The following IMMP2L variants were observed in gnomAD, a reference collection of about 807,000 sequenced individuals.
The protein encoded by IMMP2L is inner mitochondrial membrane peptidase subunit 2.
Under a neutral mutation model 19.3 loss-of-function variants are expected in IMMP2L, and 18 were observed. That is an observed-to-expected ratio of 0.93 (90% CI 0.64 to 1.38). The LOEUF (loss-of-function observed/expected upper bound fraction) is 1.38. Ranked by LOEUF, IMMP2L falls within the 40% of genes most tolerant of loss-of-function variation. The probability of loss-of-function intolerance (pLI) is 0.00; values close to 1 mark genes in which losing one functional copy is unlikely to be tolerated. For missense variants in IMMP2L, 233 were observed against 218.2 expected (o/e 1.07, Z -0.43); for synonymous variants, 76 against 73.0 (o/e 1.04, Z -0.21).
chr7:110,960,091 A>G (rs567980275), intron 4 of IMMP2L, among the ~76,000 whole-genome samples: 2 of 152,086 alleles, frequency 1.3e-5, no homozygotes, highest in South Asian at 4.1e-4. Context: ...ATAATATAAA[A>G]TGGATCCCTT....
intron 3 of IMMP2L, among the ~76,000 whole-genome samples, chr7:111,154,143 AAAG>A (rs1804380456): frequency 2.6e-5 from 4 of 152,250 alleles, no homozygotes; most frequent in African/African-American, 9.6e-5. Flanking sequence ...TATTAAAATT[AAAG>A]AAGTATATGC....
chr7:111,342,039 T>C lies in IMMP2L; in HGVS notation c.239+145199A>G, dbSNP rs6956410. ...TCATTATAAATTACCCAGTCTCAGGTAGGCTGTTATAGCGGCACAAAACAG... is the reference window on the plus strand; with the variant it reads ...TCATTATAAATTACCCAGTCTCAGGCAGGCTGTTATAGCGGCACAAAACAG... On this transcript the variant is annotated intron_variant, in intron 3 of 5. Coordinates refer to ENST00000405709, the MANE Select transcript of IMMP2L (RefSeq NM_032549.4). 5.5e-3 allele frequency among the ~76,000 whole-genome samples: 840 copies of C among 152,232 alleles called. 16 individuals carry two copies. Among genetic ancestry groups the C allele is most frequent in the African/African-American group, 0.019 (771 of 41,554 alleles).
chr7:111,176,987 T>C (rs1005203504), intron 3 of IMMP2L, among the ~76,000 whole-genome samples: 4 of 152,046 alleles, frequency 2.6e-5, no homozygotes, highest in Non-Finnish European at 5.9e-5. Context: ...GAATATACAC[T>C]TCATTGGATG....
chr7:111,282,431 T>C (rs1819996102), intron 3 of IMMP2L, among the ~76,000 whole-genome samples: 1 of 152,096 alleles, frequency 6.6e-6, no homozygotes. Context: ...TTTGTAATGA[T>C]AAAAGAGCCA....
chr7:111,054,948 G>C (rs935014237), intron 3 of IMMP2L, among the ~76,000 whole-genome samples: 15 of 151,980 alleles, frequency 9.9e-5, no homozygotes, highest in African/African-American at 3.6e-4. Context: ...CAATAAATTA[G>C]GAAACAAAAT....
chr7:111,463,640 T>A (rs776909733), intron 3 of IMMP2L, among the ~76,000 whole-genome samples: 1 of 152,154 alleles, frequency 6.6e-6, no homozygotes, highest in African/African-American at 2.4e-5. Context: ...CTCACCAGAA[T>A]GGGTAATTCC....
At chr7:111,373,439 C>T (rs1177178508) in intron 3 of IMMP2L, among the ~76,000 whole-genome samples, 1 of 151,912 alleles carries the variant, frequency 6.6e-6, no homozygotes, top group African/African-American at 2.4e-5. Flanking sequence ...AAGAGAGAAA[C>T]CTGCTTTTCA....
At chr7:111,554,244 A>G (rs1185097579) in intron 1 of IMMP2L, among the ~76,000 whole-genome samples, 1 of 152,178 alleles carries the variant, frequency 6.6e-6, no homozygotes, top group African/African-American at 2.4e-5. Context: ...CAGTGTTGGT[A>G]AATTCACAGA....
At chr7:111,178,576 C>CAAT (rs1807341577) in intron 3 of IMMP2L, among the ~76,000 whole-genome samples, 1 of 152,220 alleles carries the variant, frequency 6.6e-6, no homozygotes, top group South Asian at 2.1e-4. Flanking sequence ...TCCTCTCAAA[C>CAAT]CCTGTCACTG....
At chr7:111,025,752 T>C (rs1426136593) in intron 3 of IMMP2L, among the ~76,000 whole-genome samples, 1 of 152,130 alleles carries the variant, frequency 6.6e-6, no homozygotes, top group Non-Finnish European at 1.5e-5. Context: ...TGAAGAAATA[T>C]ATGAATGGAT....
intron 3 of IMMP2L, among the ~76,000 whole-genome samples, chr7:110,969,380 T>C (rs912299881): frequency 5.9e-5 from 9 of 152,080 alleles, no homozygotes; most frequent in African/African-American, 1.9e-4. Flanking sequence ...AAATAAACTA[T>C]AGACTTTAGT....
chr7:111,208,053 C>T (rs955478162), intron 3 of IMMP2L, among the ~76,000 whole-genome samples: 11 of 152,108 alleles, frequency 7.2e-5, no homozygotes, highest in African/African-American at 2.4e-4. Context: ...TTATTAGCTT[C>T]CAGGATTCCA....
chr7:110,673,101 T>A (rs893898235), intron 5 of IMMP2L, among the ~76,000 whole-genome samples: 4 of 152,184 alleles, frequency 2.6e-5, no homozygotes, highest in Non-Finnish European at 5.9e-5. Context: ...TTCCTGGACA[T>A]CCAGGCATTT....
intron 5 of IMMP2L, among the ~76,000 whole-genome samples, chr7:110,729,739 G>A (rs1796124177): frequency 6.6e-6 from 1 of 152,086 alleles, no homozygotes; most frequent in Non-Finnish European, 1.5e-5. Flanking sequence ...TGGGTGGGGG[G>A]AACAACCCAC....
At position 110,663,599 on chromosome 7, in the gene IMMP2L, C is replaced by G; in HGVS notation, c.*3G>C. ...TGCCAGCAACTCAGGTAGATTCATGCAGTCATTCCTCTTCTCTCTGTACTG... is the reference window on the plus strand; with the variant it reads ...TGCCAGCAACTCAGGTAGATTCATGGAGTCATTCCTCTTCTCTCTGTACTG... On this transcript the variant is annotated 3_prime_UTR_variant, in exon 6 of 6. Transcript: ENST00000405709. The G allele has an allele frequency of 6.2e-7, 1 of 1,613,306 alleles. No individual in the cohort carries two copies. The highest frequency in any genetic ancestry group is 8.5e-7 in the Non-Finnish European group (1 of 1,179,502).
At position 111,007,543 on chromosome 7, in the gene IMMP2L, T is replaced by G. The variant is rs371402208; in HGVS notation, c.240-43978A>C. ...CTGATTTTTCTGCCTCTCTCGAACA[T>G]CTAAATGTTCAAATTCCCCAGGGCT... is the stretch of plus-strand genomic sequence containing the variant. On this transcript the variant is annotated intron_variant, in intron 3 of 5. Coordinates refer to ENST00000405709, the MANE Select transcript of IMMP2L (RefSeq NM_032549.4). Among the ~76,000 whole-genome samples the G allele has an allele frequency of 1.4e-4, 21 of 152,254 alleles. 2 individuals are homozygous for G. The East Asian group carries it at 1.9e-3, about 14-fold the overall frequency.
At chr7:111,396,236 T>C (rs1263561001) in intron 3 of IMMP2L, among the ~76,000 whole-genome samples, 1 of 152,132 alleles carries the variant, frequency 6.6e-6, no homozygotes, top group Admixed American at 6.6e-5. Context: ...CTATTTACAA[T>C]AGCAAAGACT....
intron 1 of IMMP2L, among the ~76,000 whole-genome samples, chr7:111,545,649 T>A (rs1256496487): frequency 6.6e-6 from 1 of 152,114 alleles, no homozygotes; most frequent in East Asian, 1.9e-4. Flanking sequence ...GCCTCTCAAA[T>A]TATATACTGT....
At chr7:111,088,496 G>A (rs1329712967) in intron 3 of IMMP2L, among the ~76,000 whole-genome samples, 2 of 151,934 alleles carry the variant, frequency 1.3e-5, no homozygotes, top group African/African-American at 2.4e-5. Context: ...GAAGAAGGAA[G>A]AAAAGAAGGA....
Sources: gnomAD v4.1 joint callset for allele counts (sites outside exome capture counted in the v4.1 genomes callset) on GRCh38, gnomAD v4.1.1 for gene constraint, MANE v1.5 for transcripts, NCBI Gene and HGNC (gene_info 2026-07-23, HGNC 2026-07-21) for gene names.